The following ABTB3 variants were observed in gnomAD, a reference collection of about 807,000 sequenced individuals.
ABTB3 encodes ankyrin repeat- and BTB/POZ domain-containing protein 3.
chr12:107,468,812 G>A, the ABTB3 span, among the ~76,000 whole-genome samples: 1 of 152,134 alleles, frequency 6.6e-6, no homozygotes, highest in Non-Finnish European at 1.5e-5. Context: ...GGATATAGGG[G>A]CAGAAATGCA....
the ABTB3 span, among the ~76,000 whole-genome samples, chr12:107,376,681 G>A: frequency 6.6e-6 from 1 of 152,074 alleles, no homozygotes; most frequent in African/African-American, 2.4e-5. Context: ...TCTCAGCACC[G>A]AGAAACAAGT....
the ABTB3 span, among the ~76,000 whole-genome samples, chr12:107,480,773 C>T: frequency 6.6e-6 from 1 of 152,112 alleles, no homozygotes; most frequent in Non-Finnish European, 1.5e-5. Flanking sequence ...TGGCCCACTG[C>T]ATCCACTTTT....
the ABTB3 span, among the ~76,000 whole-genome samples, chr12:107,613,865 T>C: frequency 6.6e-6 from 1 of 152,106 alleles, no homozygotes; most frequent in Non-Finnish European, 1.5e-5. Context: ...ACTGTGTGTG[T>C]GTGTTTTTTT....
chr12:107,386,580 CA>C, the ABTB3 span, among the ~76,000 whole-genome samples: 1 of 152,148 alleles, frequency 6.6e-6, no homozygotes, highest in Admixed American at 6.5e-5. Flanking sequence ...TCAGGATCTG[CA>C]GGGATTTTGG....
the ABTB3 span, among the ~76,000 whole-genome samples, chr12:107,323,558 A>G: frequency 6.6e-6 from 1 of 152,210 alleles, no homozygotes; most frequent in Non-Finnish European, 1.5e-5. Context: ...GAAACAGCTA[A>G]GGGACCCCAT....
the ABTB3 span, among the ~76,000 whole-genome samples, chr12:107,482,913 C>CTTTCTTTCTTTCT: frequency 2.5e-5 from 3 of 117,996 alleles, no homozygotes; most frequent in African/African-American, 1.0e-4. Context: ...TCTCTTTCTT[C>CTTTCTTTCTTTCT]TTCTTTCTTT....
the ABTB3 span, among the ~76,000 whole-genome samples, chr12:107,549,164 A>G: frequency 2.6e-5 from 4 of 152,266 alleles, no homozygotes; most frequent in African/African-American, 9.6e-5. Context: ...CCAATCACCA[A>G]CTGTTTGAGG....
chr12:107,599,602 C>A, the ABTB3 span, among the ~76,000 whole-genome samples: 7 of 152,272 alleles, frequency 4.6e-5, no homozygotes, highest in South Asian at 1.5e-3. Context: ...TTTCTCCCCG[C>A]TAGGTACCTT....
At chr12:107,646,920 G>A in the ABTB3 span, among the ~76,000 whole-genome samples, 1 of 152,174 alleles carries the variant, frequency 6.6e-6, no homozygotes, top group Non-Finnish European at 1.5e-5. Context: ...GAGCTCAGTG[G>A]ACAGAAGAAG....
the ABTB3 span, among the ~76,000 whole-genome samples, chr12:107,460,660 A>G: frequency 6.6e-6 from 1 of 151,538 alleles, no homozygotes; most frequent in Non-Finnish European, 1.5e-5. Context: ...CTCTCTGAAG[A>G]AAAAAAAAGA....
chr12:107,543,263 C>T, the ABTB3 span, among the ~76,000 whole-genome samples: 4 of 148,772 alleles, frequency 2.7e-5, no homozygotes, highest in South Asian at 2.1e-4. Context: ...CGATTGAACC[C>T]GGAAGGCAGA....
At chr12:107,370,591 C>G in the ABTB3 span, among the ~76,000 whole-genome samples, 1 of 152,054 alleles carries the variant, frequency 6.6e-6, no homozygotes, top group African/African-American at 2.4e-5. Flanking sequence ...AAAGCATGGT[C>G]TCTGGGTCAC....
the ABTB3 span, among the ~76,000 whole-genome samples, chr12:107,445,977 C>T: frequency 6.7e-6 from 1 of 148,508 alleles, no homozygotes; most frequent in African/African-American, 2.5e-5. Flanking sequence ...ATTACATTGG[C>T]CCATCTAGAT....
At chr12:107,408,159 G>A in the ABTB3 span, among the ~76,000 whole-genome samples, 2 of 152,142 alleles carry the variant, frequency 1.3e-5, no homozygotes, top group African/African-American at 2.4e-5. Flanking sequence ...GGAGATAGGC[G>A]TGCTCTGTGT....
chr12:107,399,001 G>A, the ABTB3 span, among the ~76,000 whole-genome samples: 1 of 152,094 alleles, frequency 6.6e-6, no homozygotes, highest in Non-Finnish European at 1.5e-5. Flanking sequence ...AATGCACTGA[G>A]AGTGAAAATT....
the ABTB3 span, among the ~76,000 whole-genome samples, chr12:107,469,990 T>TCTCTCTCTC: frequency 1.5e-5 from 1 of 64,988 alleles, no homozygotes; most frequent in African/African-American, 1.1e-4. Context: ...CTTTCTTTCT[T>TCTCTCTCTC]TCTTTCTTTC....
chr12:107,319,291 C>G, the ABTB3 span: 1 of 1,541,992 alleles, frequency 6.5e-7, no homozygotes, highest in African/African-American at 1.4e-5. Flanking sequence ...CCCGGGCAGG[C>G]CCGGCGGTCC....
chr12:107,544,267 G>A, the ABTB3 span: 2 of 1,007,272 alleles, frequency 2.0e-6, no homozygotes, highest in Middle Eastern at 2.8e-4. Context: ...AGTGGTCCCG[G>A]TGGGAACCTT....
chr12:107,564,951 G>C, the ABTB3 span, among the ~76,000 whole-genome samples: 1 of 152,358 alleles, frequency 6.6e-6, no homozygotes, highest in African/African-American at 2.4e-5. Flanking sequence ...CAGGAAAAAT[G>C]ATCTGTATGC....
Sources: allele counts gnomAD v4.1 joint callset (sites outside exome capture counted in the v4.1 genomes callset), GRCh38; gene constraint gnomAD v4.1.1; transcripts MANE v1.5; gene names NCBI Gene and HGNC (gene_info 2026-07-23, HGNC 2026-07-21).